Variants in ERP27 observed in about 807,000 individuals in gnomAD.
ERP27 encodes endoplasmic reticulum resident protein 27.
Under a neutral mutation model 27.7 loss-of-function variants are expected in ERP27, and 23 were observed. The observed-to-expected ratio is 0.83, with a 90% CI of 0.60 to 1.18. The LOEUF is 1.18. ERP27 is among the 50% of genes most tolerant of loss of function. The pLI is 0.00. For missense variants in ERP27, 363 were observed against 327.9 expected, an observed-to-expected ratio of 1.11 and a Z score of -0.83; for synonymous variants, 159 against 118.3, an observed-to-expected ratio of 1.34 and a Z score of -2.23.
At chr12:14,914,997 G>A (rs1422495584) in intron 6 of ERP27, among the ~76,000 whole-genome samples, 2 of 151,984 alleles carry the variant, frequency 1.3e-5, no homozygotes, top group African/African-American at 4.8e-5. Flanking sequence ...TGAGTCTCAC[G>A]ATATATCCTA....
intron 2 of ERP27, 40 bp from the exon 3 acceptor site, chr12:14,935,033 C>T (rs375292320): frequency 3.7e-5 from 59 of 1,598,630 alleles, no homozygotes; most frequent in South Asian, 1.6e-4. Context: ...GTGGTTATTT[C>T]GAAGGGCAGA....
rs774200211 is a variant in ERP27, at chr12:14,915,533, G to A, written c.730C>T (p.His244Tyr). ...TLPTAEVSVE[H>Y]VQNFCDGFLS... Reference sequence around the variant, plus strand: ...AATCCATCACAAAAGTTTTGCACATGCTCTACGGAAACTTCTGCTGTGGGC... The same window carrying A: ...AATCCATCACAAAAGTTTTGCACATACTCTACGGAAACTTCTGCTGTGGGC... The change falls in exon 6 of 7, where the codon CAT becomes TAT. Residue 244 changes from histidine to tyrosine, a missense_variant. Coordinates refer to ENST00000266397, the MANE Select transcript of ERP27 (RefSeq NM_152321.4). The A allele has an allele frequency of 3.1e-6, 5 of 1,614,206 alleles. No homozygotes were observed. Among genetic ancestry groups the A allele is most frequent in the South Asian group, 2.2e-5 (2 of 91,082 alleles).
intron 3 of ERP27, among the ~76,000 whole-genome samples, chr12:14,933,713 C>G (rs1048695836): frequency 1.3e-5 from 2 of 152,330 alleles, no homozygotes; most frequent in East Asian, 3.9e-4. Context: ...CCAATGAAAG[C>G]ATCAGAAACC....
rs753773967 is a variant in ERP27 at position 14,938,025 on chromosome 12, G to A, written c.122C>T (p.Thr41Met). ...GGCAGCTGGGACATCTGTGAGCCAC[G>A]TGGGTTCCTGGGCAGCACCAGGACC... Reference protein sequence around the residue: ...SDGPGAAQEPTWLTDVPAAME... With the variant: ...SDGPGAAQEPMWLTDVPAAME... The change falls in exon 2 of 7, where the codon ACG becomes ATG. Residue 41 changes from threonine (T) to methionine (M), a missense_variant. By Grantham distance (81) the Thr-to-Met change is moderately conservative. Transcript: ENST00000266397. The A allele has an allele frequency of 3.6e-5, 58 of 1,614,000 alleles. No homozygotes were observed. Among genetic ancestry groups the A allele is most frequent in the Non-Finnish European group, 4.7e-5 (55 of 1,179,984 alleles).
intron 4 of ERP27, among the ~76,000 whole-genome samples, chr12:14,919,723 A>G (rs964030627): frequency 6.6e-6 from 1 of 152,232 alleles, no homozygotes; most frequent in Admixed American, 6.5e-5. Context: ...TGAAGCTTGA[A>G]TTACTAGCCA....
intron 3 of ERP27, among the ~76,000 whole-genome samples, chr12:14,934,410 GTT>G (rs1863744099): frequency 6.6e-6 from 1 of 151,928 alleles, no homozygotes; most frequent in African/African-American, 2.4e-5. Flanking sequence ...TATTTAATAT[GTT>G]TTTATTATCG....
intron 4 of ERP27, among the ~76,000 whole-genome samples, chr12:14,919,667 C>A (rs1863469460): frequency 1.3e-5 from 2 of 152,120 alleles, no homozygotes; most frequent in Non-Finnish European, 2.9e-5. Flanking sequence ...GATTCAGTCA[C>A]AGGCACCAGT....
intron 3 of ERP27, among the ~76,000 whole-genome samples, chr12:14,923,069 G>C (rs1424568740): frequency 1.2e-5 from 1 of 80,480 alleles, no homozygotes; most frequent in Non-Finnish European, 2.3e-5. Context: ...GTGGAACTCT[G>C]TCTCAAAAAA....
chr12:14,937,199 T>C (rs1207111140), intron 2 of ERP27, among the ~76,000 whole-genome samples: 2 of 152,200 alleles, frequency 1.3e-5, no homozygotes, highest in Admixed American at 1.3e-4. Context: ...TGCAGTGATT[T>C]CCAACTGTGT....
intron 5 of ERP27, among the ~76,000 whole-genome samples, chr12:14,916,449 G>T (rs114445255): frequency 1.3e-5 from 2 of 152,050 alleles, no homozygotes; most frequent in African/African-American, 4.8e-5. Flanking sequence ...ATGAGGTAAC[G>T]CATTAATATT....
intron 3 of ERP27, among the ~76,000 whole-genome samples, chr12:14,922,496 C>T (rs7978018): frequency 0.048 from 7,228 of 151,712 alleles, 495 homozygotes; most frequent in African/African-American, 0.15. Context: ...CTGATTTGAA[C>T]GTGTTTTTAT....
chr12:14,917,849 C>A lies in ERP27; in HGVS notation c.451-546G>T, dbSNP rs1354603675. Among the ~76,000 whole-genome samples, 3 of 152,160 alleles carry A rather than the reference C, an allele frequency of 2.0e-5. No individual in the cohort carries two copies. The East Asian group carries it at 5.8e-4, about 29-fold the overall frequency. On this transcript the variant is annotated intron_variant, in intron 4 of 6. Transcript: ENST00000266397. ...CCAGAAGCACCTAGCCCTAGCCACC[C>A]CAAATTGGATGACCTGCAGAAACTG...
Position 14,933,257 on chromosome 12 carries a change from G to A in ERP27, c.333+1599C>T, listed in dbSNP as rs1863723465. Among the ~76,000 whole-genome samples the A allele has an allele frequency of 2.0e-5, 3 of 152,148 alleles. No individual in the cohort carries two copies. In the East Asian group the frequency reaches 5.8e-4, roughly 29 times the overall value. Reference sequence around the variant, plus strand: ...ACTGTAAAAAGTGTTGGGTCAGGCAGCATTGTAGATACAGGAAGAGAAGGT... The same window carrying A: ...ACTGTAAAAAGTGTTGGGTCAGGCAACATTGTAGATACAGGAAGAGAAGGT... On this transcript the variant is annotated intron_variant, in intron 3 of 6. Transcript: ENST00000266397.
At chr12:14,932,888 T>C (rs928804556) in intron 3 of ERP27, among the ~76,000 whole-genome samples, 1 of 152,214 alleles carries the variant, frequency 6.6e-6, no homozygotes, top group African/African-American at 2.4e-5. Context: ...TGGAGGAATA[T>C]GATTAGCAGG....
chr12:14,918,054 T>A (rs912584259), intron 4 of ERP27, among the ~76,000 whole-genome samples: 2 of 152,228 alleles, frequency 1.3e-5, no homozygotes, highest in Non-Finnish European at 2.9e-5. Flanking sequence ...ATATTAGTAG[T>A]TCGTACTTAT....
chr12:14,938,322 T>C (rs1053459423), intron 1 of ERP27, 93 bp downstream of exon 1: 2 of 1,309,484 alleles, frequency 1.5e-6, no homozygotes, highest in African/African-American at 2.9e-5. Flanking sequence ...TTTCTAGGTG[T>C]GGAGGAAAAG....
intron 5 of ERP27, 108 bp downstream of exon 5, chr12:14,917,070 C>A: frequency 7.4e-7 from 1 of 1,352,048 alleles, no homozygotes; most frequent in East Asian, 2.3e-5. Context: ...TTTGCTATCT[C>A]CTAACCATAG....
In ERP27 at chr12:14,915,714, A is replaced by C. The variant is rs369372766; in HGVS notation, c.577-28T>G. 97 of 1,604,686 alleles carry C rather than the reference A, an allele frequency of 6.0e-5. No homozygotes were observed. The African/African-American group carries it at 9.6e-4, about 16-fold the overall frequency. On this transcript the variant is annotated intron_variant, in intron 5 of 6. Transcript: ENST00000266397. ...GCAGTTGGGGAAGTTTGAAAGAAAA[A>C]GTTCTATCTGAGGTGACGTCCAGGG...
rs764891030 is a variant in ERP27 at position 14,932,871 on chromosome 12, T to C, written c.333+1985A>G. 1.1e-4 allele frequency among the ~76,000 whole-genome samples: 17 copies of C among 152,236 alleles called. No homozygotes were observed. In the East Asian group the frequency reaches 3.3e-3, roughly 29 times the overall value. ...AGCATAGCCACTTAATAAAATAGTATCTTAGATGGAGGAATATGATTAGCA... is the reference window on the plus strand; with the variant it reads ...AGCATAGCCACTTAATAAAATAGTACCTTAGATGGAGGAATATGATTAGCA... On this transcript the variant is annotated intron_variant, in intron 3 of 6. Transcript: ENST00000266397.
Sources: gnomAD v4.1 joint callset for allele counts (sites outside exome capture counted in the v4.1 genomes callset) on GRCh38, gnomAD v4.1.1 for gene constraint, MANE v1.5 for transcripts, NCBI Gene and HGNC (gene_info 2026-07-23, HGNC 2026-07-21) for gene names.